Variants in WDR81 observed in about 807,000 individuals in gnomAD.
WDR81 encodes WD repeat domain 81, also known as WD repeat-containing protein 81.
Under a neutral mutation model 140.8 loss-of-function variants are expected in WDR81, and 92 were observed. The observed-to-expected ratio is 0.65, with a 90% confidence interval of 0.55 to 0.78. The LOEUF is 0.78. WDR81 is among the 30% of genes least tolerant of loss of function. WDR81 has a pLI of 0.00. For missense variants in WDR81, 2,502 were observed against 2,636.4 expected, an observed-to-expected ratio of 0.95 and a Z score of 1.12; for synonymous variants, 1,183 against 1,156.4, an observed-to-expected ratio of 1.02 and a Z score of -0.47.
At position 1,727,647 on chromosome 17, in the gene WDR81, C is replaced by T. The variant is rs1261150614; in HGVS notation, c.2688C>T (p.Ala896=). 1.3e-6 allele frequency: 2 copies of T among 1,550,508 alleles called. No individual in the cohort carries two copies. The highest frequency in any genetic ancestry group is 3.9e-5 in the Admixed American group (2 of 50,996). ...LYQARRVEDE[A]QGRELVFALW... ...AGGCAAGGCGTGTGGAGGACGAGGCCCAGGGGCGCGAGCTGGTGTTTGCTC... is the reference window on the plus strand; with the variant it reads ...AGGCAAGGCGTGTGGAGGACGAGGCTCAGGGGCGCGAGCTGGTGTTTGCTC... The change falls in exon 1 of 10, where the codon GCC becomes GCT. Residue 896 remains alanine, a synonymous_variant. Transcript: ENST00000409644.
intron 9 of WDR81, among the ~76,000 whole-genome samples, chr17:1,736,445 G>A (rs1904876944): frequency 6.6e-6 from 1 of 152,206 alleles, no homozygotes; most frequent in African/African-American, 2.4e-5. Context: ...GAGCCACGGG[G>A]CAGTGGGGCG....
intron 9 of WDR81, among the ~76,000 whole-genome samples, chr17:1,736,971 C>T (rs1904922636): frequency 6.6e-6 from 1 of 152,184 alleles, no homozygotes; most frequent in Non-Finnish European, 1.5e-5. Flanking sequence ...TGGGGTCAGC[C>T]TGGGTGTTAA....
Position 1,728,036 on chromosome 17 carries a change from CAG to C in WDR81, c.3078_3079del (p.Ala1028CysfsTer2). On this transcript the variant is annotated frameshift_variant, in exon 1 of 10. Coordinates refer to ENST00000409644, the MANE Select transcript of WDR81 (RefSeq NM_001163809.2). LOFTEE classifies it high-confidence loss of function. The stretch of plus-strand genomic sequence containing the variant: ...TCCCAGGAGGAGAGCAAGGACCTGG[CAG>C]GGGCTGCTGAGGAGGAGGAGAGCGG... 1 of 1,555,264 alleles carries C rather than the reference CAG, an allele frequency of 6.4e-7. No homozygotes were observed. Among genetic ancestry groups the C allele is most frequent in the Non-Finnish European group, 8.7e-7 (1 of 1,150,306 alleles).
Position 1,733,571 on chromosome 17 carries a change from G to A in WDR81, c.4534G>A (p.Glu1512Lys). ...KIIPNHELVG[E>K]LAALYLESIS... ...CATCCCCAACCACGAGCTGGTTGGGGAGCTGGCGGCGCTGTACTTGGAGAG... is the reference window on the plus strand; with the variant it reads ...CATCCCCAACCACGAGCTGGTTGGGAAGCTGGCGGCGCTGTACTTGGAGAG... Residue 1512 changes from glutamate to lysine, a missense_variant, in exon 7 of 10, where the codon GAG (glutamate) becomes AAG (lysine). Physicochemically the swap from Glu to Lys is moderately conservative, Grantham distance 56. Coordinates refer to ENST00000409644, the MANE Select transcript of WDR81 (RefSeq NM_001163809.2). 1 of 1,525,998 alleles carries A rather than the reference G, an allele frequency of 6.6e-7. No homozygotes were observed. The highest frequency in any genetic ancestry group is 8.8e-7 in the Non-Finnish European group (1 of 1,137,718). The allele number at this position is 1,525,998 out of a possible 1,614,324, so 94.5% of individuals were successfully genotyped here.
In WDR81 at chr17:1,732,504, C is replaced by G. The variant is rs1904438199; in HGVS notation, c.4323+14C>G. On this transcript the variant is annotated intron_variant, in intron 5 of 9. Transcript: ENST00000409644. ...CTTCGGCAACAGGTGGGCAGATCTG[C>G]TGGGCCAGGGCGGGCTGGGGCGGGG... The G allele has an allele frequency of 1.4e-6, 2 of 1,412,764 alleles. No homozygotes were observed. Among genetic ancestry groups the G allele is most frequent in the East Asian group, 2.9e-5 (1 of 34,166 alleles). 87.5% of individuals were successfully genotyped at this position (1,412,764 alleles called of 1,614,324 possible).
chr17:1,735,824 G>A lies in WDR81; in HGVS notation c.5325+107G>A. On this transcript the variant is annotated intron_variant, in intron 8 of 9. Coordinates refer to ENST00000409644, the MANE Select transcript of WDR81 (RefSeq NM_001163809.2). This position sits in a 1 kb window ranked among gnomAD's most constrained non-coding sequence, Gnocchi z 4.2. ...GCCAGGATGTTGTTCTGGGGCCCTA[G>A]TTAGTTTCTCTTTGGTGCTAGATCA... 6.8e-7 allele frequency: 1 copy of A among 1,462,056 alleles called. No individual in the cohort carries two copies. The highest frequency in any genetic ancestry group is 1.4e-5 in the South Asian group (1 of 72,998). The allele number at this position is 1,462,056 out of a possible 1,614,324, so 90.6% of individuals were successfully genotyped here. A position where few individuals can be genotyped will look rare whatever the true frequency, so the allele number is the denominator to read the frequency against.
At chr17:1,730,003 AAAGAAG>A (rs34994724) in intron 1 of WDR81, among the ~76,000 whole-genome samples, 1 of 145,048 alleles carries the variant, frequency 6.9e-6, no homozygotes, top group Non-Finnish European at 1.5e-5. Context: ...AAAAAAAAAA[AAAGAAG>A]AAGAAGAAGA....
Position 1,732,443 on chromosome 17 carries a change from G to A in WDR81, c.4276G>A (p.Ala1426Thr). The A allele has an allele frequency of 6.2e-7, 1 of 1,613,130 alleles. No individual in the cohort carries two copies. The highest frequency in any genetic ancestry group is 8.5e-7 in the Non-Finnish European group (1 of 1,179,918). Residue 1426 changes from alanine (A) to threonine (T), a missense_variant, in exon 5 of 10, where the codon GCC (alanine) becomes ACC (threonine). Around this residue, in one of 3 missense-constraint regions of WDR81, gnomAD observed 1,737 missense variants for 1,843.0 expected, o/e 0.94. Coordinates refer to ENST00000409644, the MANE Select transcript of WDR81 (RefSeq NM_001163809.2). ...CCAGCAGCACCTGAGCGAGCCCGTG[G>A]CCACCTTTTTCCAGGTCTTCTCTCA... ...MVQQHLSEPV[A>T]TFFQVFSQLH...
Position 1,737,682 on chromosome 17 carries a change from A to G in WDR81, c.5823A>G (p.Ala1941=), listed in dbSNP as rs1327881626. ...GSDNGVIRLL[A] ...ACAACGGGGTTATCCGCCTCCTGGC[A>G]TAGACTGAGGCAGGAGCTGGCCGGG... Residue 1941 remains alanine, a synonymous_variant, in exon 10 of 10, where the codon GCA becomes GCG. Coordinates refer to ENST00000409644, the MANE Select transcript of WDR81 (RefSeq NM_001163809.2). 1 of 1,606,636 alleles carries G rather than the reference A, an allele frequency of 6.2e-7. No individual in the cohort carries two copies. The highest frequency in any genetic ancestry group is 8.5e-7 in the Non-Finnish European group (1 of 1,177,248).
At position 1,733,984 on chromosome 17, in the gene WDR81, G is replaced by A; in HGVS notation, c.4947G>A (p.Gly1649=). 2.5e-6 allele frequency: 4 copies of A among 1,612,842 alleles called. No homozygotes were observed. The highest frequency in any genetic ancestry group is 3.4e-6 in the Non-Finnish European group (4 of 1,179,982). ...TGCAGAGCTTCCCGGGCCACTCGGG[G>A]GCCGTCAAGTGCGTGGCACCCCTAA... ...IRLQSFPGHS[G]AVKCVAPLSS... is the part of the protein sequence containing the mutation. The change falls in exon 7 of 10, where the codon GGG becomes GGA. Residue 1649 remains glycine, a synonymous_variant. Transcript: ENST00000409644.
chr17:1,727,654 C>T lies in WDR81; in HGVS notation c.2695C>T (p.Arg899Cys). 2.6e-6 allele frequency: 4 copies of T among 1,550,508 alleles called. No homozygotes were observed. Among genetic ancestry groups the T allele is most frequent in the Non-Finnish European group, 3.5e-6 (4 of 1,147,016 alleles). ...ARRVEDEAQG[R>C]ELVFALWQQL... ...GCGTGTGGAGGACGAGGCCCAGGGG[C>T]GCGAGCTGGTGTTTGCTCTGTGGCA... The change falls in exon 1 of 10, where the codon CGC (arginine) becomes TGC (cysteine). Residue 899 changes from arginine (R) to cysteine (C), a missense_variant. This residue lies in a region of WDR81 where 1,737 missense variants were observed against 1,843.0 expected (regional missense o/e 0.94). Transcript: ENST00000409644.
At chr17:1,718,442 T>C (rs1914705595) in intron 1 of WDR81, among the ~76,000 whole-genome samples, 2 of 152,238 alleles carry the variant, frequency 1.3e-5, no homozygotes, top group Admixed American at 6.5e-5. Context: ...CTTCTAACTG[T>C]TCTCAGCTGC....
At chr17:1,720,705 C>T (rs2151155941), upstream of WDR81, among the ~76,000 whole-genome samples, 1 of 149,628 alleles carries the variant, frequency 6.7e-6, no homozygotes, top group East Asian at 2.0e-4. Flanking sequence ...GTGAAGGTTG[C>T]AGTGAGCCGA....
At chr17:1,736,690 G>GC (rs1904896394) in intron 9 of WDR81, among the ~76,000 whole-genome samples, 2 of 152,126 alleles carry the variant, frequency 1.3e-5, no homozygotes. Context: ...TGGGGATCCT[G>GC]TCCCCGTCTC....
chr17:1,732,742 C>T lies in WDR81; in HGVS notation c.4400C>T (p.Pro1467Leu). 3 of 1,613,034 alleles carry T rather than the reference C, an allele frequency of 1.9e-6. No homozygotes were observed. Among genetic ancestry groups the T allele is most frequent in the Non-Finnish European group, 2.5e-6 (3 of 1,179,966 alleles). ...QVVFSDGQQR[P>L]VDPALLDELQ... ...GTCTTCTCTGATGGGCAGCAGCGGC[C>T]CGTGGACCCCGCCCTGCTGGACGAG... The change falls in exon 6 of 10, where the codon CCC (proline) becomes CTC (leucine). Residue 1467 changes from proline to leucine, a missense_variant. Physicochemically the swap from Pro to Leu is moderately conservative, Grantham distance 98. Around this residue, in one of 3 missense-constraint regions of WDR81, gnomAD observed 1,737 missense variants for 1,843.0 expected, o/e 0.94. Transcript: ENST00000409644.
In WDR81 at chr17:1,737,935, A is replaced by G. The variant is rs1905025406; in HGVS notation, c.*250A>G. ...GACACAGGGCTCCTAGCAAGCAGGA[A>G]GTTAAGAGCAGGAGGAAGCGTTGCT... On this transcript the variant is annotated 3_prime_UTR_variant, in exon 10 of 10. Transcript: ENST00000409644. 1.7e-6 allele frequency: 1 copy of G among 584,100 alleles called. No individual in the cohort carries two copies. Among genetic ancestry groups the G allele is most frequent in the Non-Finnish European group, 3.0e-6 (1 of 331,328 alleles). 36.2% of individuals were successfully genotyped at this position (584,100 alleles called of 1,614,324 possible).
In WDR81 at chr17:1,735,071, C is replaced by T. The variant is rs1025173418; in HGVS notation, c.5180-501C>T. Among the ~76,000 whole-genome samples the T allele has an allele frequency of 6.6e-6, 1 of 152,014 alleles. No individual in the cohort carries two copies. Among genetic ancestry groups the T allele is most frequent in the African/African-American group, 2.4e-5 (1 of 41,390 alleles). On this transcript the variant is annotated intron_variant, in intron 7 of 9. Transcript: ENST00000409644. This position sits in a 1 kb window ranked among gnomAD's most constrained non-coding sequence, Gnocchi z 4.2. ...CAGTGGCTCACGCCTGTAATCTCAG[C>T]ACTCTGGGAGGCCAGGAGTTGGAGA...
At chr17:1,733,476 G>A in intron 6 of WDR81, 51 bp from the exon 7 acceptor site, 1 of 1,492,600 alleles carries the variant, frequency 6.7e-7, no homozygotes, top group Non-Finnish European at 8.9e-7. Context: ...ATGGGTGATA[G>A]CAGCCGCCTG....
At chr17:1,723,221 C>T (rs1352356106), upstream of WDR81, among the ~76,000 whole-genome samples, 1 of 152,046 alleles carries the variant, frequency 6.6e-6, no homozygotes, top group Non-Finnish European at 1.5e-5. Flanking sequence ...GTGCCGCACC[C>T]TTCCCCCAGC....
Sources: allele counts gnomAD v4.1 joint callset (sites outside exome capture counted in the v4.1 genomes callset), GRCh38; gene constraint gnomAD v4.1.1; regional missense constraint gnomAD v4.1.1; non-coding constraint Gnocchi (gnomAD v3.1); transcripts MANE v1.5; gene names NCBI Gene and HGNC (gene_info 2026-07-23, HGNC 2026-07-21).